SLC28A1: variants seen among roughly 807,000 people sequenced by gnomAD.
SLC28A1 encodes the protein sodium/nucleoside cotransporter 1.
In SLC28A1, 64 loss-of-function variants were observed where a neutral mutation model predicts 74.8. The observed-to-expected ratio is 0.86, with a 90% CI of 0.70 to 1.05. The LOEUF (loss-of-function observed/expected upper bound fraction) is 1.05. Ranked by LOEUF, SLC28A1 falls within the 50% of genes least tolerant of loss-of-function variation. The pLI, the probability that SLC28A1 is intolerant of heterozygous loss-of-function variation, is 0.00. For synonymous variants in SLC28A1, 359 were observed against 335.0 expected, an observed-to-expected ratio of 1.07 and a Z score of -0.78; for missense variants, 828 against 822.8, an observed-to-expected ratio of 1.01 and a Z score of -0.08.
In SLC28A1 at chr15:84,890,455, G is replaced by A. The variant is rs951426576; in HGVS notation, c.198G>A (p.Gln66=). The A allele has an allele frequency of 6.2e-7, 1 of 1,609,006 alleles. No individual in the cohort carries two copies. The highest frequency in any genetic ancestry group is 8.5e-7 in the Non-Finnish European group (1 of 1,178,864). ...PKPFSRWRNL[Q]PALRARSFCR... The stretch of plus-strand genomic sequence containing the variant: ...GTCTTGTTCCCAGGAGGAACCTGCA[G>A]CCAGCCCTGAGAGCCAGAAGCTTCT... Residue 66 remains glutamine (Q), a synonymous_variant, in exon 5 of 19, where the codon CAG becomes CAA. Coordinates refer to ENST00000394573, the MANE Select transcript of SLC28A1 (RefSeq NM_004213.5).
chr15:84,928,255 A>T (rs1433603258), intron 12 of SLC28A1, among the ~76,000 whole-genome samples: 1 of 152,092 alleles, frequency 6.6e-6, no homozygotes, highest in Non-Finnish European at 1.5e-5. Context: ...CTGGTTTGAA[A>T]GCCCCAGACT....
chr15:84,924,798 A>T (rs961226880), intron 12 of SLC28A1, among the ~76,000 whole-genome samples: 1 of 152,238 alleles, frequency 6.6e-6, no homozygotes, highest in Non-Finnish European at 1.5e-5. Flanking sequence ...TTATTTCCTT[A>T]ATGATCAAAG....
Position 84,931,126 on chromosome 15 carries a change from A to G in SLC28A1, c.1084-2019A>G, listed in dbSNP as rs1177602450. On this transcript the variant is annotated intron_variant, in intron 12 of 18. Coordinates refer to ENST00000394573, the MANE Select transcript of SLC28A1 (RefSeq NM_004213.5). The stretch of plus-strand genomic sequence containing the variant: ...TCACCATGTTGGCTAGGCTGGTCTC[A>G]AACTCCTGACCTCAAGTGATCTGCC... 2.6e-5 allele frequency among the ~76,000 whole-genome samples: 4 copies of G among 151,468 alleles called. No homozygotes were observed. The East Asian group carries it at 6.0e-4, about 23-fold the overall frequency.
intron 9 of SLC28A1, among the ~76,000 whole-genome samples, chr15:84,917,817 A>C (rs898981963): frequency 6.6e-6 from 1 of 152,154 alleles, no homozygotes; most frequent in Non-Finnish European, 1.5e-5. Flanking sequence ...ATCAGACTAC[A>C]GTAAAGAAAG....
chr15:84,917,714 C>A (rs950157444), intron 9 of SLC28A1, among the ~76,000 whole-genome samples: 1 of 152,174 alleles, frequency 6.6e-6, no homozygotes, highest in Admixed American at 6.5e-5. Flanking sequence ...TGTTTCCTGA[C>A]CTTTAGTGCA....
At chr15:84,962,685 G>GT in the SLC28A1 span, among the ~76,000 whole-genome samples, 1 of 152,156 alleles carries the variant, frequency 6.6e-6, no homozygotes, top group African/African-American at 2.4e-5. Flanking sequence ...GATTACAGAT[G>GT]TGAGTCACTG....
At chr15:84,959,674 T>G in the SLC28A1 span, among the ~76,000 whole-genome samples, 2 of 152,330 alleles carry the variant, frequency 1.3e-5, no homozygotes, top group African/African-American at 4.8e-5. Context: ...TGGGTTTTCT[T>G]TGTTTCTAAT....
At chr15:84,920,914 G>A in intron 10 of SLC28A1, 75 bp from the exon 11 acceptor site, 10 of 1,141,914 alleles carry the variant, frequency 8.8e-6, no homozygotes, top group South Asian at 3.7e-5. Flanking sequence ...ACTGTGTAAG[G>A]TCTTCCACTC....
rs750623970 is a variant in SLC28A1 at position 84,935,538 on chromosome 15, C to T, written c.1581+20C>T. 10 of 1,604,158 alleles carry T rather than the reference C, an allele frequency of 6.2e-6. No homozygotes were observed. Among genetic ancestry groups the T allele is most frequent in the Non-Finnish European group, 8.5e-6 (10 of 1,174,304 alleles). On this transcript the variant is annotated intron_variant, in intron 15 of 18. Coordinates refer to ENST00000394573, the MANE Select transcript of SLC28A1 (RefSeq NM_004213.5). ...ATCTCCGTGAGTGTCCCAGTCCCTT[C>T]CCTGCAGCAGGGGGATGACACGGCA...
At chr15:84,928,619 TCTTTCTTTC>T (rs1567172952) in intron 12 of SLC28A1, among the ~76,000 whole-genome samples, 13 of 40,788 alleles carry the variant, frequency 3.2e-4, no homozygotes, top group African/African-American at 6.2e-4. Context: ...TTCTTTCTTT[TCTTTCTTTC>T]TTTCTTTTTT....
chr15:84,927,268 G>A (rs1038337166), intron 12 of SLC28A1, among the ~76,000 whole-genome samples: 1 of 152,156 alleles, frequency 6.6e-6, no homozygotes, highest in Non-Finnish European at 1.5e-5. Flanking sequence ...GCTCACAAAA[G>A]GGAGATTAAC....
Position 84,905,526 on chromosome 15 carries a change from G to A in SLC28A1, c.604-13G>A, listed in dbSNP as rs561510855. Reference sequence around the variant, plus strand: ...AGGAACTGAACTCAGCTTTCTGTTGGGTGGGGTGGTAGGTGTCCTGGAGGG... The same window carrying A: ...AGGAACTGAACTCAGCTTTCTGTTGAGTGGGGTGGTAGGTGTCCTGGAGGG... On this transcript the variant is annotated splice_polypyrimidine_tract_variant and intron_variant, in intron 7 of 18. Transcript: ENST00000394573. The A allele has an allele frequency of 1.9e-6, 3 of 1,577,818 alleles. No homozygotes were observed. Among genetic ancestry groups the A allele is most frequent in the Non-Finnish European group, 2.6e-6 (3 of 1,147,084 alleles).
chr15:84,888,953 G>A, intron 4 of SLC28A1, 93 bp downstream of exon 4: 2 of 875,652 alleles, frequency 2.3e-6, no homozygotes, highest in Admixed American at 4.0e-5. Context: ...ATGGGAGTTG[G>A]GGGGACGTGA....
chr15:84,911,788 G>C (rs576181123), intron 9 of SLC28A1, among the ~76,000 whole-genome samples: 4 of 149,074 alleles, frequency 2.7e-5, no homozygotes, highest in African/African-American at 2.5e-5. Context: ...GAACCTGGGA[G>C]ACGGAGGTTG....
At chr15:84,968,403 C>T in the SLC28A1 span, among the ~76,000 whole-genome samples, 3 of 152,308 alleles carry the variant, frequency 2.0e-5, no homozygotes, top group South Asian at 6.2e-4. Context: ...CAAGATGGCT[C>T]ACTCACAAGG....
chr15:84,911,134 C>T (rs7403070), intron 9 of SLC28A1, among the ~76,000 whole-genome samples: 18,385 of 152,084 alleles, frequency 0.12, 1,361 homozygotes, highest in East Asian at 0.39. Flanking sequence ...GCGCCTTCCC[C>T]CGCCCACCAC....
the SLC28A1 span, among the ~76,000 whole-genome samples, chr15:84,971,641 C>T: frequency 6.6e-6 from 1 of 151,114 alleles, no homozygotes; most frequent in Non-Finnish European, 1.5e-5. Flanking sequence ...CCCCTCCCCT[C>T]CCCTCCCTTG....
At chr15:84,948,138 GC>G (rs1257608944), downstream of SLC28A1, among the ~76,000 whole-genome samples, 1 of 152,010 alleles carries the variant, frequency 6.6e-6, no homozygotes, top group Non-Finnish European at 1.5e-5. Context: ...CCCCCCTTCT[GC>G]CCCTTTCTTC....
intron 2 of SLC28A1, chr15:84,887,412 G>T: frequency 1.0e-6 from 1 of 984,864 alleles, no homozygotes; most frequent in South Asian, 4.7e-5. Flanking sequence ...AGGCTGGGGT[G>T]GTGGCGCACG....
Sources: allele counts gnomAD v4.1 joint callset (sites outside exome capture counted in the v4.1 genomes callset), GRCh38; gene constraint gnomAD v4.1.1; transcripts MANE v1.5; gene names NCBI Gene and HGNC (gene_info 2026-07-23, HGNC 2026-07-21).